PTPRC: variants seen among roughly 807,000 people sequenced by gnomAD.
PTPRC encodes the protein protein tyrosine phosphatase receptor type C.
Under a neutral mutation model 155.9 loss-of-function variants are expected in PTPRC, and 44 were observed. The observed-to-expected ratio is 0.28, with a 90% confidence interval of 0.22 to 0.36. The LOEUF (loss-of-function observed/expected upper bound fraction) is 0.36, where lower values mean the gene tolerates loss of function less well. PTPRC is among the 10% of genes least tolerant of loss of function. The probability of loss-of-function intolerance (pLI) is 1.00; values close to 1 mark genes in which losing one functional copy is unlikely to be tolerated. For synonymous variants in PTPRC, 525 were observed against 533.1 expected (o/e 0.98, Z 0.21); for missense variants, 1,401 against 1,564.6 (o/e 0.90, Z 1.76).
intron 26 of PTPRC, 63 bp downstream of exon 26, chr1:198,744,266 C>T: frequency 2.0e-6 from 3 of 1,478,506 alleles, no homozygotes; most frequent in Non-Finnish European, 2.8e-6. Context: ...CATCTACTTT[C>T]TAGGTGTTTG....
At chr1:198,753,712 A>G (rs17670373) in intron 31 of PTPRC, among the ~76,000 whole-genome samples, 36,483 of 151,986 alleles carry the variant, frequency 0.24, 5,622 homozygotes, top group Non-Finnish European at 0.35. Flanking sequence ...CTTTATGATA[A>G]TGCTTTATAC....
In PTPRC at chr1:198,718,147, C is replaced by T. The variant is rs200974882; in HGVS notation, c.1504C>T (p.His502Tyr). 6 of 1,613,634 alleles carry T rather than the reference C, an allele frequency of 3.7e-6. No individual in the cohort carries two copies. The highest frequency in any genetic ancestry group is 2.7e-5 in the African/African-American group (2 of 74,884). Reference protein sequence around the residue: ...TVSMTSDNSMHVKCRPPRDRN... With the variant: ...TVSMTSDNSMYVKCRPPRDRN... Reference sequence around the variant, plus strand: ...CTCCATGACATCAGATAATAGTATGCATGTCAAGTGTAGGCCTCCCAGGGA... The same window carrying T: ...CTCCATGACATCAGATAATAGTATGTATGTCAAGTGTAGGCCTCCCAGGGA... The change falls in exon 14 of 33, where the codon CAT becomes TAT. Residue 502 changes from histidine to tyrosine, a missense_variant. Transcript: ENST00000442510.
intron 2 of PTPRC, chr1:198,679,580 T>C (rs967275885): frequency 3.1e-5 from 6 of 194,558 alleles, no homozygotes; most frequent in Non-Finnish European, 2.2e-5. Flanking sequence ...GCTCGAACTT[T>C]TGACAGAAGG....
At chr1:198,658,982 G>A (rs554635771) in intron 2 of PTPRC, among the ~76,000 whole-genome samples, 2 of 152,160 alleles carry the variant, frequency 1.3e-5, no homozygotes, top group South Asian at 2.1e-4. Context: ...TTTCTGTGGC[G>A]TTCTGCTAAG....
At chr1:198,711,694 T>C (rs1653319304) in intron 11 of PTPRC, among the ~76,000 whole-genome samples, 2 of 152,200 alleles carry the variant, frequency 1.3e-5, no homozygotes, top group Admixed American at 1.3e-4. Flanking sequence ...AATAAATAGT[T>C]TGTAAAAAAT....
At chr1:198,737,574 A>G (rs2102500565) in intron 23 of PTPRC, among the ~76,000 whole-genome samples, 1 of 151,894 alleles carries the variant, frequency 6.6e-6, no homozygotes, top group Admixed American at 6.6e-5. Flanking sequence ...GCTCTGAAGT[A>G]TAATTTCAAA....
intron 8 of PTPRC, 133 bp downstream of exon 8, chr1:198,704,631 T>C: frequency 6.5e-7 from 1 of 1,527,902 alleles, no homozygotes; most frequent in East Asian, 2.3e-5. Context: ...CGATGACTAG[T>C]CTCAAATTAG....
At chr1:198,680,666 TTGTCAGTTTAGAAAC>T (rs1665270142) in intron 2 of PTPRC, among the ~76,000 whole-genome samples, 1 of 151,768 alleles carries the variant, frequency 6.6e-6, no homozygotes, top group South Asian at 2.1e-4. Context: ...ATGGAGGAAG[TTGTCAGTTTAGAAAC>T]TGAGTATAAA....
intron 4 of PTPRC, among the ~76,000 whole-genome samples, chr1:198,697,704 T>C (rs955387179): frequency 6.6e-6 from 1 of 152,252 alleles, no homozygotes; most frequent in African/African-American, 2.4e-5. Flanking sequence ...AACAGGTTTA[T>C]AGACATACTC....
chr1:198,752,503 A>G lies in PTPRC; in HGVS notation c.3331-91A>G, dbSNP rs555186480. 2.2e-5 allele frequency: 33 copies of G among 1,518,906 alleles called. No homozygotes were observed. In the African/African-American group the frequency reaches 4.1e-4, roughly 19 times the overall value. The allele number at this position is 1,518,906 out of a possible 1,614,324, so 94.1% of individuals were successfully genotyped here. A position where few individuals can be genotyped will look rare whatever the true frequency, so the allele number is the denominator to read the frequency against. On this transcript the variant is annotated intron_variant, in intron 30 of 32. Transcript: ENST00000442510. Reference sequence around the variant, plus strand: ...AGAATAACATTTTAAAATTATTTAAATAGAAGTAACTGTGAAGAAAATATG... The same window carrying G: ...AGAATAACATTTTAAAATTATTTAAGTAGAAGTAACTGTGAAGAAAATATG...
intron 25 of PTPRC, 92 bp from the exon 26 acceptor site, chr1:198,743,962 C>A: frequency 7.8e-7 from 1 of 1,284,014 alleles, no homozygotes; most frequent in Non-Finnish European, 1.1e-6. Flanking sequence ...CCAATATGAG[C>A]AAATTTATGG....
At chr1:198,670,436 C>T (rs1393982956) in intron 2 of PTPRC, among the ~76,000 whole-genome samples, 1 of 152,020 alleles carries the variant, frequency 6.6e-6, no homozygotes, top group African/African-American at 2.4e-5. Context: ...GACAAAATAG[C>T]TTGGGACACA....
chr1:198,694,270 T>G (rs982413628), intron 3 of PTPRC: 1 of 832,146 alleles, frequency 1.2e-6, no homozygotes. Flanking sequence ...TTGTGCCTGC[T>G]TTTTCTAGCC....
At chr1:198,694,873 CT>C in intron 3 of PTPRC, 1 of 967,358 alleles carries the variant, frequency 1.0e-6, no homozygotes, top group East Asian at 1.2e-4. Flanking sequence ...ACACTGAAGA[CT>C]AGAGGTAGTT....
chr1:198,694,893 A>G (rs965206947), intron 3 of PTPRC: 1 of 968,366 alleles, frequency 1.0e-6, no homozygotes, highest in Non-Finnish European at 1.2e-6. Flanking sequence ...TTACTATCCT[A>G]TTACTGTACT....
chr1:198,688,949 G>A (rs1557998567), intron 2 of PTPRC, among the ~76,000 whole-genome samples: 1 of 152,122 alleles, frequency 6.6e-6, no homozygotes, highest in Non-Finnish European at 1.5e-5. Context: ...ACTTTTCTAA[G>A]CTTCTTAGGG....
intron 2 of PTPRC, among the ~76,000 whole-genome samples, chr1:198,651,292 TTGTGTGTGTGTG>T (rs67899145): frequency 6.8e-6 from 1 of 147,800 alleles, no homozygotes; most frequent in Non-Finnish European, 1.5e-5. Flanking sequence ...CAGATTGGGA[TTGTGTGTGTGTG>T]TGTGTGTGTG....
chr1:198,690,116 T>G (rs893320341), intron 2 of PTPRC, among the ~76,000 whole-genome samples: 3 of 152,170 alleles, frequency 2.0e-5, no homozygotes, highest in African/African-American at 7.2e-5. Context: ...ATTTCTCAGA[T>G]AAAGAAGAGA....
chr1:198,656,646 G>T (rs11810527), intron 2 of PTPRC, among the ~76,000 whole-genome samples: 7,244 of 85,826 alleles, frequency 0.084, 290 homozygotes, highest in East Asian at 0.22. Context: ...CTAGTTTTTT[G>T]TTTTTTGTTT....
Sources: gnomAD v4.1 joint callset for allele counts (sites outside exome capture counted in the v4.1 genomes callset) on GRCh38, gnomAD v4.1.1 for gene constraint, MANE v1.5 for transcripts, NCBI Gene and HGNC (gene_info 2026-07-23, HGNC 2026-07-21) for gene names.